The following NPAS3 variants were observed in gnomAD, a reference collection of about 807,000 sequenced individuals.
NPAS3 encodes the protein neuronal PAS domain protein 3, also known as neuronal PAS domain-containing protein 3.
Under a neutral mutation model 73.1 loss-of-function variants are expected in NPAS3, and 14 were observed. That is an observed-to-expected ratio of 0.19 (90% CI 0.13 to 0.30). The LOEUF (loss-of-function observed/expected upper bound fraction) is 0.30, where lower values mean the gene tolerates loss of function less well. Ranked by LOEUF, NPAS3 falls within the 10% of genes least tolerant of loss-of-function variation. The probability of loss-of-function intolerance (pLI) is 1.00; values close to 1 mark genes in which losing one functional copy is unlikely to be tolerated. For synonymous variants in NPAS3, 620 were observed against 541.5 expected (o/e 1.14, Z -2.01); for missense variants, 1,096 against 1,250.0 (o/e 0.88, Z 1.86).
At chr14:33,147,934 C>G (rs117834444) in intron 2 of NPAS3, among the ~76,000 whole-genome samples, 4,908 of 151,890 alleles carry the variant, frequency 0.032, 109 homozygotes, top group African/African-American at 0.061. Flanking sequence ...TTTGTACATA[C>G]ACACATTAAA....
intron 2 of NPAS3, among the ~76,000 whole-genome samples, chr14:33,079,463 T>A (rs1301945956): frequency 6.6e-6 from 1 of 150,946 alleles, no homozygotes; most frequent in East Asian, 2.0e-4. Context: ...GGATCACAGG[T>A]GCACGCCAGC....
At chr14:33,460,963 C>A (rs561807430) in intron 4 of NPAS3, among the ~76,000 whole-genome samples, 2 of 152,276 alleles carry the variant, frequency 1.3e-5, no homozygotes, top group Non-Finnish European at 2.9e-5. Context: ...TTGTTAATTA[C>A]ATCATTCCCT....
intron 3 of NPAS3, among the ~76,000 whole-genome samples, chr14:33,244,727 C>A (rs151295540): frequency 6.6e-6 from 1 of 152,174 alleles, no homozygotes; most frequent in Non-Finnish European, 1.5e-5. Flanking sequence ...ACCACTTTAC[C>A]AGAGCCTTTA....
intron 2 of NPAS3, among the ~76,000 whole-genome samples, chr14:33,089,146 G>A (rs1048541833): frequency 7.2e-5 from 11 of 152,320 alleles, no homozygotes; most frequent in African/African-American, 2.2e-4. Context: ...AAACCTGGAC[G>A]GAGAATATCT....
intron 2 of NPAS3, among the ~76,000 whole-genome samples, chr14:33,147,960 A>C (rs964859644): frequency 6.6e-6 from 1 of 151,990 alleles, no homozygotes; most frequent in Non-Finnish European, 1.5e-5. Flanking sequence ...TCCAATTCAA[A>C]CTTGGGCCAT....
At chr14:33,160,004 A>T (rs1208373199) in intron 2 of NPAS3, among the ~76,000 whole-genome samples, 8 of 152,118 alleles carry the variant, frequency 5.3e-5, no homozygotes, top group African/African-American at 1.5e-4. Context: ...TAAATTTTTT[A>T]AAAATGAAAT....
chr14:33,657,179 C>G (rs2059168041), intron 5 of NPAS3, among the ~76,000 whole-genome samples: 1 of 152,156 alleles, frequency 6.6e-6, no homozygotes, highest in Non-Finnish European at 1.5e-5. Context: ...TGATTTATAG[C>G]CTTGATTGTG....
At chr14:33,073,638 A>G (rs147442475) in intron 2 of NPAS3, among the ~76,000 whole-genome samples, 1 of 152,374 alleles carries the variant, frequency 6.6e-6, no homozygotes, top group African/African-American at 2.4e-5. Flanking sequence ...ACGTCTGTAC[A>G]TGACAAACAA....
intron 2 of NPAS3, among the ~76,000 whole-genome samples, chr14:33,152,790 G>A (rs2044499009): frequency 6.6e-6 from 1 of 151,672 alleles, no homozygotes; most frequent in African/African-American, 2.4e-5. Flanking sequence ...GTAATGTGGT[G>A]TGAATTTACT....
intron 4 of NPAS3, among the ~76,000 whole-genome samples, chr14:33,402,969 T>C (rs552608568): frequency 6.6e-6 from 1 of 151,978 alleles, no homozygotes; most frequent in Non-Finnish European, 1.5e-5. Flanking sequence ...TGCTGGGGAG[T>C]GGTATCTTCC....
At chr14:32,977,381 C>CACACACACACACACA in intron 1 of NPAS3, among the ~76,000 whole-genome samples, 5 of 148,536 alleles carry the variant, frequency 3.4e-5, no homozygotes, top group East Asian at 1.9e-4. Context: ...CACACACACA[C>CACACACACACACACA]CCCTAATCTA....
intron 6 of NPAS3, among the ~76,000 whole-genome samples, chr14:33,732,732 C>T (rs897143598): frequency 2.6e-5 from 4 of 152,144 alleles, no homozygotes; most frequent in African/African-American, 7.2e-5. Context: ...TAACACTCCC[C>T]GCTTACACCG....
At chr14:33,447,054 A>G (rs1007857876) in intron 4 of NPAS3, among the ~76,000 whole-genome samples, 7 of 152,250 alleles carry the variant, frequency 4.6e-5, no homozygotes, top group African/African-American at 1.2e-4. Flanking sequence ...AGGTGTCTTC[A>G]TCTAAAGAAG....
intron 2 of NPAS3, among the ~76,000 whole-genome samples, chr14:33,087,537 G>T (rs1343104310): frequency 6.6e-6 from 1 of 152,062 alleles, no homozygotes; most frequent in Non-Finnish European, 1.5e-5. Context: ...GTGATTAACT[G>T]GAAATTCATT....
At chr14:33,673,663 C>T (rs1320310692) in intron 5 of NPAS3, among the ~76,000 whole-genome samples, 2 of 152,224 alleles carry the variant, frequency 1.3e-5, no homozygotes, top group African/African-American at 4.8e-5. Flanking sequence ...GTCTTGTCTT[C>T]TTCCCAGCTC....
At chr14:33,005,974 C>T (rs1364212705) in intron 1 of NPAS3, among the ~76,000 whole-genome samples, 2 of 152,182 alleles carry the variant, frequency 1.3e-5, no homozygotes, top group Admixed American at 1.3e-4. Context: ...AAGCATGTAA[C>T]TCCCTCCCCA....
chr14:33,022,664 C>CAAAA (rs34475386), intron 1 of NPAS3, among the ~76,000 whole-genome samples: 1 of 97,462 alleles, frequency 1.0e-5, no homozygotes, highest in Non-Finnish European at 2.0e-5. Context: ...GACTCCGTCC[C>CAAAA]AAAAAAAAAA....
At chr14:33,758,447 G>A (rs557388057) in intron 7 of NPAS3, among the ~76,000 whole-genome samples, 1 of 152,326 alleles carries the variant, frequency 6.6e-6, no homozygotes, top group African/African-American at 2.4e-5. Context: ...CTTGGCCAAT[G>A]TGTGCAACTC....
At chr14:33,776,557 A>G (rs1848522745) in intron 8 of NPAS3, among the ~76,000 whole-genome samples, 1 of 125,054 alleles carries the variant, frequency 8.0e-6, no homozygotes, top group South Asian at 2.6e-4. Context: ...AAAAAAAAAA[A>G]AAAAGCTTTT....
Sources: allele counts gnomAD v4.1 joint callset (sites outside exome capture counted in the v4.1 genomes callset), GRCh38; gene constraint gnomAD v4.1.1; transcripts MANE v1.5; gene names NCBI Gene and HGNC (gene_info 2026-07-23, HGNC 2026-07-21).